NKX6-1: variants seen among roughly 807,000 people sequenced by gnomAD.
NKX6-1 encodes the protein homeobox protein Nkx-6.1.
A neutral mutation model predicts 24.9 loss-of-function variants in NKX6-1; 11 were observed. The ratio of observed to expected loss-of-function variants is 0.44; its 90% CI spans 0.28 to 0.73. The LOEUF (loss-of-function observed/expected upper bound fraction) is 0.73. NKX6-1 is among the 30% of genes least tolerant of loss of function. The pLI, the probability that NKX6-1 is intolerant of heterozygous loss-of-function variation, is 0.15. For synonymous variants in NKX6-1, 277 were observed against 242.9 expected, an observed-to-expected ratio of 1.14 and a Z score of -1.31; for missense variants, 487 against 502.9, an observed-to-expected ratio of 0.97 and a Z score of 0.30.
chr4:84,497,443 A>T lies in NKX6-1; in HGVS notation c.670+116T>A. The T allele has an allele frequency of 1.6e-6, 2 of 1,234,384 alleles. No homozygotes were observed. The highest frequency in any genetic ancestry group is 2.0e-6 in the Non-Finnish European group (2 of 978,806). The allele number at this position is 1,234,384 out of a possible 1,614,324, so 76.5% of individuals were successfully genotyped here. On this transcript the variant is annotated intron_variant, in intron 1 of 2. Transcript: ENST00000295886. The surrounding 1 kb of genome is among the most constrained non-coding windows in gnomAD (Gnocchi z 4.8). The stretch of plus-strand genomic sequence containing the variant: ...ACTGGTGTGATTCCGGCGCTGTCAA[A>T]CTACTGGGGCGGGCCACAGGATGGA...
rs1720836245 is a variant in NKX6-1, at chr4:84,497,157, C to CAG, written c.670+400_670+401dup. ...GGACGACAGGGAGGAGCCGGGAAAG[C>CAG]AGAGATGCAGTGGCCTCTCCTCCCC... On this transcript the variant is annotated intron_variant, in intron 1 of 2. Coordinates refer to ENST00000295886, the MANE Select transcript of NKX6-1 (RefSeq NM_006168.3). This position sits in a 1 kb window ranked among gnomAD's most constrained non-coding sequence, Gnocchi z 4.8. Among the ~76,000 whole-genome samples, 1 of 152,156 alleles carries CAG rather than the reference C, an allele frequency of 6.6e-6. No homozygotes were observed. The highest frequency in any genetic ancestry group is 2.4e-5 in the African/African-American group (1 of 41,452).
At chr4:84,495,109 G>C (rs1479415575) in intron 2 of NKX6-1, among the ~76,000 whole-genome samples, 1 of 152,136 alleles carries the variant, frequency 6.6e-6, no homozygotes, top group Non-Finnish European at 1.5e-5. Context: ...CAATTCATTT[G>C]TAAAATTACT....
At position 84,493,657 on chromosome 4, in the gene NKX6-1, C is replaced by A. The variant is rs996489870; in HGVS notation, c.844-108G>T. On this transcript the variant is annotated intron_variant, in intron 2 of 2. Coordinates refer to ENST00000295886, the MANE Select transcript of NKX6-1 (RefSeq NM_006168.3). The surrounding 1 kb of genome is among the most constrained non-coding windows in gnomAD (Gnocchi z 5.1). ...ATCTCGATGGCCCTCCCGCGGCCCC[C>A]CGAAGGCCTGCTGCCCTCCCTCGCA... 1.1e-5 allele frequency: 15 copies of A among 1,395,658 alleles called. No individual in the cohort carries two copies. The highest frequency in any genetic ancestry group is 1.5e-5 in the Non-Finnish European group (15 of 1,023,444). 86.5% of individuals were successfully genotyped at this position (1,395,658 alleles called of 1,614,324 possible).
Position 84,498,157 on chromosome 4 carries a change from G to A in NKX6-1, c.72C>T (p.Ala24=), listed in dbSNP as rs749953430. 1.2e-5 allele frequency: 16 copies of A among 1,295,174 alleles called. No individual in the cohort carries two copies. The highest frequency in any genetic ancestry group is 2.1e-4 in the Middle Eastern group (1 of 4,854). 80.2% of individuals were successfully genotyped at this position (1,295,174 alleles called of 1,614,324 possible). The change falls in exon 1 of 3, where the codon GCC becomes GCT. Residue 24 remains alanine (A), a synonymous_variant. Transcript: ENST00000295886. The stretch of plus-strand genomic sequence containing the variant: ...TCTTCATCTCGGCCATGCTGTGCAG[G>A]GCGGCCAGGGGAGGGCTGCTGAGCA... ...AFLLSSPPLA[A]LHSMAEMKTP...
In NKX6-1 at chr4:84,497,884, C is replaced by T; in HGVS notation, c.345G>A (p.Leu115=). Reference sequence around the variant, plus strand: ...AGGAACCGGAGGGCGAGGCGGAGGGCAGGGCGGCCCCCGAGGCCACGGGCA... The same window carrying T: ...AGGAACCGGAGGGCGAGGCGGAGGGTAGGGCGGCCCCCGAGGCCACGGGCA... The part of the protein sequence containing the change: ...PSMPVASGAA[L]PSASPSGSSS... Residue 115 remains leucine, a synonymous_variant, in exon 1 of 3, where the codon CTG becomes CTA. Coordinates refer to ENST00000295886, the MANE Select transcript of NKX6-1 (RefSeq NM_006168.3). This position sits in a 1 kb window ranked among gnomAD's most constrained non-coding sequence, Gnocchi z 4.8. 1.6e-6 allele frequency: 2 copies of T among 1,278,954 alleles called. No individual in the cohort carries two copies. Among genetic ancestry groups the T allele is most frequent in the Non-Finnish European group, 9.9e-7 (1 of 1,013,444 alleles). The allele number at this position is 1,278,954 out of a possible 1,614,324, so 79.2% of individuals were successfully genotyped here. A position where few individuals can be genotyped will look rare whatever the true frequency, so the allele number is the denominator to read the frequency against.
rs778852846 is a variant in NKX6-1 at position 84,497,904 on chromosome 4, C to A, written c.325G>T (p.Val109Leu). 25 of 1,294,134 alleles carry A rather than the reference C, an allele frequency of 1.9e-5. No individual in the cohort carries two copies. Among genetic ancestry groups the A allele is most frequent in the Admixed American group, 3.2e-5 (1 of 30,772 alleles). The allele number at this position is 1,294,134 out of a possible 1,614,324, so 80.2% of individuals were successfully genotyped here. Residue 109 changes from valine (V) to leucine (L), a missense_variant, in exon 1 of 3, where the codon GTG becomes TTG. Val to Leu is a conservative substitution (Grantham distance 32). Around this residue, in one of 3 missense-constraint regions of NKX6-1, gnomAD observed 316 missense variants for 311.4 expected, o/e 1.01. Coordinates refer to ENST00000295886, the MANE Select transcript of NKX6-1 (RefSeq NM_006168.3). The surrounding 1 kb of genome is among the most constrained non-coding windows in gnomAD (Gnocchi z 4.8). Reference sequence around the variant, plus strand: ...GAGGGCAGGGCGGCCCCCGAGGCCACGGGCATGGAGGGCCGGCTCAGGATA... The same window carrying A: ...GAGGGCAGGGCGGCCCCCGAGGCCAAGGGCATGGAGGGCCGGCTCAGGATA... ...NDILSRPSMP[V>L]ASGAALPSAS...
Position 84,497,784 on chromosome 4 carries a change from C to T in NKX6-1, c.445G>A (p.Ala149Thr), listed in dbSNP as rs1222092508. 2.4e-6 allele frequency: 3 copies of T among 1,271,922 alleles called. No individual in the cohort carries two copies. The African/African-American group carries it at 4.7e-5, about 20-fold the overall frequency. 78.8% of individuals were successfully genotyped at this position (1,271,922 alleles called of 1,614,324 possible). The change falls in exon 1 of 3, where the codon GCC becomes ACC. Residue 149 changes from alanine (A) to threonine (T), a missense_variant. Physicochemically the swap from Ala to Thr is moderately conservative, Grantham distance 58. Around this residue, in one of 3 missense-constraint regions of NKX6-1, gnomAD observed 316 missense variants for 311.4 expected, o/e 1.01. Transcript: ENST00000295886. This position sits in a 1 kb window ranked among gnomAD's most constrained non-coding sequence, Gnocchi z 4.8. Reference protein sequence around the residue: ...AAAAAAAAAAAASSPAGLLAG... With the variant: ...AAAAAAAAAATASSPAGLLAG... ...AGCAGCCCCGCCGGGGATGAGGCGG[C>T]GGCTGCGGCCGCGGCAGCAGCCGCG...
chr4:84,493,553 A>C lies in NKX6-1; in HGVS notation c.844-4T>G. On this transcript the variant is annotated splice_region_variant and splice_polypyrimidine_tract_variant and intron_variant, in intron 2 of 2. Transcript: ENST00000295886. The surrounding 1 kb of genome is among the most constrained non-coding windows in gnomAD (Gnocchi z 5.1). ...TCCGGCGGTTCTGGAACCAGACCTG[A>C]GGGCGGAGAAAAGGGAGGAGAGGGG... 6.2e-7 allele frequency: 1 copy of C among 1,613,890 alleles called. No homozygotes were observed. The highest frequency in any genetic ancestry group is 1.1e-5 in the South Asian group (1 of 91,060).
At position 84,494,376 on chromosome 4, in the gene NKX6-1, A is replaced by C. The variant is rs113025687; in HGVS notation, c.844-827T>G. Among the ~76,000 whole-genome samples, 472 of 152,306 alleles carry C rather than the reference A, an allele frequency of 3.1e-3. 1 individual carries two copies. Among genetic ancestry groups the C allele is most frequent in the African/African-American group, 0.011 (461 of 41,556 alleles). Reference sequence around the variant, plus strand: ...AACTGTGTTCCTGCTCAAGACATTTAATACAAATATTTTTAAGCTTATTCA... The same window carrying C: ...AACTGTGTTCCTGCTCAAGACATTTCATACAAATATTTTTAAGCTTATTCA... On this transcript the variant is annotated intron_variant, in intron 2 of 2. Coordinates refer to ENST00000295886, the MANE Select transcript of NKX6-1 (RefSeq NM_006168.3).
At position 84,492,759 on chromosome 4, in the gene NKX6-1, T is replaced by C. The variant is rs536779017; in HGVS notation, c.*530A>G. On this transcript the variant is annotated 3_prime_UTR_variant, in exon 3 of 3. Coordinates refer to ENST00000295886, the MANE Select transcript of NKX6-1 (RefSeq NM_006168.3). ...AACTTCTAGTCAGTGTAACTCACGA[T>C]TTATTTACAAAGAGCCTTCAACAGG... 6.6e-6 allele frequency: 1 copy of C among 152,472 alleles called. No homozygotes were observed. Among genetic ancestry groups the C allele is most frequent in the East Asian group, 1.9e-4 (1 of 5,180 alleles). The allele number at this position is 152,472 out of a possible 1,614,324, so 9.4% of individuals were successfully genotyped here. A position where few individuals can be genotyped will look rare whatever the true frequency, so the allele number is the denominator to read the frequency against.
At chr4:84,495,541 C>G (rs1206257191) in intron 2 of NKX6-1, 131 bp downstream of exon 2, 1 of 820,732 alleles carries the variant, frequency 1.2e-6, no homozygotes, top group South Asian at 1.9e-5. Flanking sequence ...TCTCCCCAGG[C>G]TCCTTGGATT....
chr4:84,498,847 T>G lies in NKX6-1; in HGVS notation c.-619A>C, dbSNP rs897812174. Among the ~76,000 whole-genome samples, 6 of 152,216 alleles carry G rather than the reference T, an allele frequency of 3.9e-5. No homozygotes were observed. Among genetic ancestry groups the G allele is most frequent in the Non-Finnish European group, 8.8e-5 (6 of 68,042 alleles). On this transcript the variant is annotated 5_prime_UTR_variant, in exon 1 of 3. Coordinates refer to ENST00000295886, the MANE Select transcript of NKX6-1 (RefSeq NM_006168.3). ...CGGGAGATCTAGCCTCTGTGCGGGC[T>G]TCCTCCGCCCACGCTGCCCCGGGCT...
At position 84,497,932 on chromosome 4, in the gene NKX6-1, G is replaced by A. The variant is rs1720855691; in HGVS notation, c.297C>T (p.Asn99=). The A allele has an allele frequency of 3.1e-6, 4 of 1,301,878 alleles. No homozygotes were observed. Among genetic ancestry groups the A allele is most frequent in the Middle Eastern group, 2.1e-4 (1 of 4,846 alleles). 80.6% of individuals were successfully genotyped at this position (1,301,878 alleles called of 1,614,324 possible). A position where few individuals can be genotyped will look rare whatever the true frequency, so the allele number is the denominator to read the frequency against. ...QLSAATPHGI[N]DILSRPSMPV... is the part of the protein sequence containing the mutation. ...GCATGGAGGGCCGGCTCAGGATATC[G>A]TTGATGCCGTGTGGGGTGGCGGCCG... Residue 99 remains asparagine (N), a synonymous_variant, in exon 1 of 3, where the codon AAC becomes AAT. Coordinates refer to ENST00000295886, the MANE Select transcript of NKX6-1 (RefSeq NM_006168.3). This position sits in a 1 kb window ranked among gnomAD's most constrained non-coding sequence, Gnocchi z 4.8.
In NKX6-1 at chr4:84,493,024, T is replaced by G; in HGVS notation, c.*265A>C. ...CTGGGACCGTGGCCCGGCTGCGGGT[T>G]TCAGTAGCGACATTTACGCAGTGCA... On this transcript the variant is annotated 3_prime_UTR_variant, in exon 3 of 3. Transcript: ENST00000295886. The surrounding 1 kb of genome is among the most constrained non-coding windows in gnomAD (Gnocchi z 5.1). 7.7e-6 allele frequency: 2 copies of G among 259,340 alleles called. No homozygotes were observed. Among genetic ancestry groups the G allele is most frequent in the Non-Finnish European group, 7.2e-6 (1 of 138,630 alleles). 16.1% of individuals were successfully genotyped at this position (259,340 alleles called of 1,614,324 possible). A position where few individuals can be genotyped will look rare whatever the true frequency, so the allele number is the denominator to read the frequency against.
chr4:84,493,395 T>C lies in NKX6-1; in HGVS notation c.998A>G (p.Asn333Ser), dbSNP rs1380818496. 3 of 1,614,094 alleles carry C rather than the reference T, an allele frequency of 1.9e-6. No homozygotes were observed. The highest frequency in any genetic ancestry group is 2.5e-6 in the Non-Finnish European group (3 of 1,180,016). The change falls in exon 3 of 3, where the codon AAC becomes AGC. Residue 333 changes from asparagine (N) to serine (S), a missense_variant. Asn to Ser is a conservative substitution (Grantham distance 46). This residue lies in a region of NKX6-1 where 126 missense variants were observed against 105.5 expected (regional missense o/e 1.19). Coordinates refer to ENST00000295886, the MANE Select transcript of NKX6-1 (RefSeq NM_006168.3). This position sits in a 1 kb window ranked among gnomAD's most constrained non-coding sequence, Gnocchi z 5.1. ...CTGCGTGATTTTCTCGTCGTCCGAG[T>C]TGGGATCCAGAGGCTTATTGTAGTC... ...DDDYNKPLDPNSDDEKITQLL... is the reference protein window; with the variant it reads ...DDDYNKPLDPSSDDEKITQLL...
rs1037951085 is a variant in NKX6-1 at position 84,497,714 on chromosome 4, G to A, written c.515C>T (p.Pro172Leu). ...RFSSLSPPPP[P>L]PGLYFSPSAA... ...GCTGGGGCTGAAGTAGAGCCCGGGC[G>A]GCGGCGGCGGCGGGCTCAGGCTGCT... The change falls in exon 1 of 3, where the codon CCG (proline) becomes CTG (leucine). Residue 172 changes from proline (P) to leucine (L), a missense_variant. Physicochemically the swap from Pro to Leu is moderately conservative, Grantham distance 98. Around this residue, in one of 3 missense-constraint regions of NKX6-1, gnomAD observed 316 missense variants for 311.4 expected, o/e 1.01. Coordinates refer to ENST00000295886, the MANE Select transcript of NKX6-1 (RefSeq NM_006168.3). This position sits in a 1 kb window ranked among gnomAD's most constrained non-coding sequence, Gnocchi z 4.8. The A allele has an allele frequency of 7.1e-5, 89 of 1,259,260 alleles. No individual in the cohort carries two copies. Among genetic ancestry groups the A allele is most frequent in the Non-Finnish European group, 8.6e-5 (86 of 1,000,174 alleles). 78.0% of individuals were successfully genotyped at this position (1,259,260 alleles called of 1,614,324 possible).
chr4:84,496,023 T>G (rs1720812097), intron 1 of NKX6-1, among the ~76,000 whole-genome samples, 179 bp from the exon 2 acceptor site: 1 of 152,202 alleles, frequency 6.6e-6, no homozygotes, highest in Non-Finnish European at 1.5e-5. Flanking sequence ...CTTTGCTTTT[T>G]TACATCCACC....
At chr4:84,494,734 G>A (rs1720786921) in intron 2 of NKX6-1, among the ~76,000 whole-genome samples, 1 of 152,112 alleles carries the variant, frequency 6.6e-6, no homozygotes, top group Non-Finnish European at 1.5e-5. Flanking sequence ...CTGTCCAGGG[G>A]GAAATACACT....
chr4:84,497,912 G>T lies in NKX6-1; in HGVS notation c.317C>A (p.Ser106Tyr). 7.7e-7 allele frequency: 1 copy of T among 1,299,004 alleles called. No homozygotes were observed. The highest frequency in any genetic ancestry group is 2.8e-5 in the East Asian group (1 of 35,182). 80.5% of individuals were successfully genotyped at this position (1,299,004 alleles called of 1,614,324 possible). A position where few individuals can be genotyped will look rare whatever the true frequency, so the allele number is the denominator to read the frequency against. The part of the protein sequence containing the change: ...HGINDILSRP[S>Y]MPVASGAALP... ...GGCGGCCCCCGAGGCCACGGGCATG[G>T]AGGGCCGGCTCAGGATATCGTTGAT... The change falls in exon 1 of 3, where the codon TCC (serine) becomes TAC (tyrosine). Residue 106 changes from serine to tyrosine, a missense_variant. This residue lies in a region of NKX6-1 where 316 missense variants were observed against 311.4 expected (regional missense o/e 1.01). Coordinates refer to ENST00000295886, the MANE Select transcript of NKX6-1 (RefSeq NM_006168.3). The surrounding 1 kb of genome is among the most constrained non-coding windows in gnomAD (Gnocchi z 4.8).
Sources: gnomAD v4.1 joint callset for allele counts (sites outside exome capture counted in the v4.1 genomes callset) on GRCh38, gnomAD v4.1.1 for gene constraint, gnomAD v4.1.1 regional missense constraint, Gnocchi (gnomAD v3.1) non-coding constraint, MANE v1.5 for transcripts, NCBI Gene and HGNC (gene_info 2026-07-23, HGNC 2026-07-21) for gene names.